Variants in USH2A observed in about 807,000 individuals in gnomAD.
USH2A encodes usherin.
USH2A carries 443 observed loss-of-function variants against 538.9 expected under a neutral mutation model. That is an observed-to-expected ratio of 0.82 (90% confidence interval 0.76 to 0.89). The LOEUF is 0.89. Among genes scored for constraint, USH2A ranks in the 40% least tolerant of loss-of-function variants. USH2A has a pLI of 0.00. For synonymous variants in USH2A, 2,413 were observed against 2,273.5 expected (o/e 1.06, Z -1.75); for missense variants, 6,633 against 6,324.8 (o/e 1.05, Z -1.65).
chr1:215,836,370 T>C (rs548655504), intron 47 of USH2A, among the ~76,000 whole-genome samples: 24 of 139,696 alleles, frequency 1.7e-4, no homozygotes, highest in African/African-American at 6.0e-4. Flanking sequence ...TTTAGGGGAG[T>C]ATCTTCCCCA....
At chr1:216,352,694 A>G (rs2038309792) in intron 4 of USH2A, among the ~76,000 whole-genome samples, 1 of 152,142 alleles carries the variant, frequency 6.6e-6, no homozygotes, top group South Asian at 2.1e-4. Flanking sequence ...TTCCATTAAT[A>G]CAAGAAAATT....
chr1:216,364,135 C>T (rs1177096060), intron 4 of USH2A, among the ~76,000 whole-genome samples: 2 of 151,416 alleles, frequency 1.3e-5, no homozygotes, highest in African/African-American at 2.4e-5. Context: ...CTTATTTCAA[C>T]TTCTGGTTTT....
At chr1:215,651,739 A>G (rs1034684575) in intron 64 of USH2A, among the ~76,000 whole-genome samples, 1 of 152,008 alleles carries the variant, frequency 6.6e-6, no homozygotes, top group Non-Finnish European at 1.5e-5. Context: ...ACCTATGAGA[A>G]TATTTTGCAG....
intron 3 of USH2A, among the ~76,000 whole-genome samples, chr1:216,377,692 G>A (rs2038848235): frequency 6.7e-6 from 1 of 148,602 alleles, no homozygotes; most frequent in Non-Finnish European, 1.5e-5. Flanking sequence ...GAAGGGGAGG[G>A]GAGAGCAGGG....
intron 13 of USH2A, among the ~76,000 whole-genome samples, chr1:216,244,378 G>T (rs574762338): frequency 9.9e-5 from 15 of 152,222 alleles, no homozygotes; most frequent in African/African-American, 3.6e-4. Context: ...GGACTCAAAT[G>T]ATAAGCAAAA....
chr1:215,741,589 A>G (rs746841782), intron 59 of USH2A, 52 bp from the exon 60 acceptor site: 2 of 1,595,560 alleles, frequency 1.3e-6, no homozygotes, highest in Admixed American at 3.4e-5. Context: ...AAGGAAAAGA[A>G]CTACATATTC....
chr1:216,165,843 A>T (rs968641434), intron 21 of USH2A, among the ~76,000 whole-genome samples: 6 of 150,770 alleles, frequency 4.0e-5, no homozygotes, highest in African/African-American at 1.5e-4. Flanking sequence ...TTTTGGGAAC[A>T]GGCAGTATTT....
intron 4 of USH2A, among the ~76,000 whole-genome samples, chr1:216,333,529 C>T (rs371213130): frequency 3.7e-4 from 56 of 152,068 alleles, no homozygotes; most frequent in African/African-American, 1.2e-3. Context: ...GGTAAAAGGA[C>T]TGAAAGAATA....
At chr1:216,089,422 T>C (rs2032240264) in intron 22 of USH2A, among the ~76,000 whole-genome samples, 1 of 152,092 alleles carries the variant, frequency 6.6e-6, no homozygotes, top group African/African-American at 2.4e-5. Context: ...CTGATGAATA[T>C]AGCTATTCAT....
intron 9 of USH2A, among the ~76,000 whole-genome samples, chr1:216,320,901 A>T (rs2037594320): frequency 6.6e-6 from 1 of 151,992 alleles, no homozygotes; most frequent in African/African-American, 2.4e-5. Flanking sequence ...TAACCCTTAT[A>T]CTGTGTAGAA....
At chr1:215,677,890 T>C (rs1312740047) in intron 62 of USH2A, among the ~76,000 whole-genome samples, 1 of 152,224 alleles carries the variant, frequency 6.6e-6, no homozygotes, top group Non-Finnish European at 1.5e-5. Flanking sequence ...TCAGGAGTTT[T>C]AGACTTGTAC....
chr1:215,908,651 T>C (rs1665699585), intron 38 of USH2A, among the ~76,000 whole-genome samples: 1 of 151,908 alleles, frequency 6.6e-6, no homozygotes, highest in Non-Finnish European at 1.5e-5. Context: ...AATACTTACA[T>C]ATTATTTAGT....
intron 38 of USH2A, among the ~76,000 whole-genome samples, chr1:215,908,254 C>T (rs1263233726): frequency 1.3e-5 from 2 of 151,882 alleles, no homozygotes; most frequent in Non-Finnish European, 2.9e-5. Flanking sequence ...AAATTTAAGT[C>T]TAATTATTGC....
At position 215,724,003 on chromosome 1, in the gene USH2A, A is replaced by G. The variant is rs144924127; in HGVS notation, c.12066+4027T>C. Among the ~76,000 whole-genome samples, 963 of 152,304 alleles carry G rather than the reference A, an allele frequency of 6.3e-3. 9 individuals are homozygous for G. Among genetic ancestry groups the G allele is most frequent in the African/African-American group, 0.022 (926 of 41,576 alleles). On this transcript the variant is annotated intron_variant, in intron 61 of 71. Coordinates refer to ENST00000307340, the MANE Select transcript of USH2A (RefSeq NM_206933.4). ...GCATTCGTATGTGTATTACGGCACTATTCACAATAGCAAAGATATTGAATC... is the reference window on the plus strand; with the variant it reads ...GCATTCGTATGTGTATTACGGCACTGTTCACAATAGCAAAGATATTGAATC...
In USH2A at chr1:215,996,004, G is replaced by A. The variant is rs147231949; in HGVS notation, c.6658-2837C>T. On this transcript the variant is annotated intron_variant, in intron 34 of 71. Transcript: ENST00000307340. ...CAGATCACTGCAACCTCTGCCTCTC[G>A]GGTTCAAGGGATTATCGTACCTCAG... Among the ~76,000 whole-genome samples the A allele has an allele frequency of 2.1e-3, 323 of 152,142 alleles. 3 individuals carry two copies. The highest frequency in any genetic ancestry group is 2.7e-3 in the Non-Finnish European group (184 of 68,012).
At chr1:216,289,534 A>G in intron 10 of USH2A, 124 bp from the exon 11 acceptor site, 8 of 1,267,470 alleles carry the variant, frequency 6.3e-6, no homozygotes, top group Non-Finnish European at 9.0e-6. Context: ...GTTTTAATGC[A>G]CCTTTCATCT....
intron 69 of USH2A, among the ~76,000 whole-genome samples, chr1:215,638,492 C>T (rs963794147): frequency 6.6e-6 from 1 of 151,374 alleles, no homozygotes; most frequent in Admixed American, 6.6e-5. Context: ...TGGTGACATA[C>T]ACTTGTAGTC....
intron 31 of USH2A, among the ~76,000 whole-genome samples, chr1:216,047,655 A>T (rs76830112): frequency 8.8e-4 from 134 of 152,228 alleles, no homozygotes; most frequent in African/African-American, 2.7e-3. Flanking sequence ...GTGCTTGGTA[A>T]AGGGTTTAAA....
At chr1:216,260,213 GA>G (rs1374425563) in intron 11 of USH2A, among the ~76,000 whole-genome samples, 1 of 152,062 alleles carries the variant, frequency 6.6e-6, no homozygotes, top group Admixed American at 6.6e-5. Flanking sequence ...CAAAAATTTT[GA>G]AGACAGAAAA....
Sources: gnomAD v4.1 joint callset for allele counts (sites outside exome capture counted in the v4.1 genomes callset) on GRCh38, gnomAD v4.1.1 for gene constraint, MANE v1.5 for transcripts, NCBI Gene and HGNC (gene_info 2026-07-23, HGNC 2026-07-21) for gene names.